Variants in IGFN1 observed in about 807,000 individuals in gnomAD.
The protein encoded by IGFN1 is immunoglobulin-like and fibronectin type III domain-containing protein 1.
In IGFN1, 253 loss-of-function variants were observed where a neutral mutation model predicts 289.5. That is an observed-to-expected ratio of 0.87 (90% CI 0.79 to 0.97). The LOEUF (loss-of-function observed/expected upper bound fraction) is 0.97, where lower values mean the gene tolerates loss of function less well. Among genes scored for constraint, IGFN1 ranks in the 50% least tolerant of loss-of-function variants. The probability of loss-of-function intolerance (pLI) is 0.00; values close to 1 mark genes in which losing one functional copy is unlikely to be tolerated. For missense variants in IGFN1, 4,470 were observed against 4,686.1 expected (o/e 0.95, Z 1.35); for synonymous variants, 1,706 against 1,788.5 (o/e 0.95, Z 1.16).
chr1:201,203,879 G>A lies in IGFN1; in HGVS notation c.889G>A (p.Val297Ile). ...IYQVKVEDAVVFSTELEASAI... is the reference protein window; with the variant it reads ...IYQVKVEDAVIFSTELEASAI... Reference sequence around the variant, plus strand: ...CCAGGTCAAGGTGGAGGATGCTGTGGTCTTCTCCACAGAACTGGAGGCCAG... The same window carrying A: ...CCAGGTCAAGGTGGAGGATGCTGTGATCTTCTCCACAGAACTGGAGGCCAG... The change falls in exon 10 of 24, where the codon GTC becomes ATC. Residue 297 changes from valine (V) to isoleucine (I), a missense_variant. By Grantham distance (29) the Val-to-Ile change is conservative (BLOSUM62 3). Transcript: ENST00000335211. 6.4e-7 allele frequency: 1 copy of A among 1,551,656 alleles called. No individual in the cohort carries two copies. Among genetic ancestry groups the A allele is most frequent in the Non-Finnish European group, 8.7e-7 (1 of 1,146,968 alleles).
intron 22 of IGFN1, among the ~76,000 whole-genome samples, chr1:201,226,625 T>C (rs187334152): frequency 1.3e-5 from 2 of 152,350 alleles, no homozygotes; most frequent in Admixed American, 1.3e-4. Context: ...TGGTTTTTAT[T>C]CTTTCTCCTT....
chr1:201,201,017 G>C (rs1052752992), intron 8 of IGFN1, among the ~76,000 whole-genome samples: 8 of 152,008 alleles, frequency 5.3e-5, no homozygotes, highest in Non-Finnish European at 1.0e-4. Context: ...ATTTTTAGTA[G>C]AGACGGGGTT....
intron 20 of IGFN1, 35 bp from the exon 21 acceptor site, chr1:201,224,644 C>T (rs750790033): frequency 1.3e-6 from 2 of 1,589,976 alleles, no homozygotes; most frequent in East Asian, 2.2e-5. Flanking sequence ...CTGCCAGCTT[C>T]CCCTTCTCAA....
intron 18 of IGFN1, among the ~76,000 whole-genome samples, chr1:201,221,131 C>A (rs1653693661): frequency 6.6e-6 from 1 of 152,096 alleles, no homozygotes; most frequent in Admixed American, 6.5e-5. Flanking sequence ...AGGTCATCAA[C>A]TAAAATATCA....
intron 6 of IGFN1, 73 bp from the exon 7 acceptor site, chr1:201,199,536 A>G: frequency 6.8e-7 from 1 of 1,477,410 alleles, no homozygotes; most frequent in Non-Finnish European, 9.2e-7. Context: ...AGCATGGACA[A>G]CACAGAAAAG....
At chr1:201,199,461 T>C (rs1534056) in intron 6 of IGFN1, 83 bp downstream of exon 6, 206,446 of 1,438,706 alleles carry the variant, frequency 0.14, 16,923 homozygotes, top group East Asian at 0.26. Flanking sequence ...CTGGTTGAGC[T>C]ACCATGAACA....
rs750266807 is a variant in IGFN1 at position 201,215,598 on chromosome 1, G to C, written c.9055G>C (p.Ala3019Pro). ...EKLREPLVVK[A>P]GKPVIVKIPF... is the part of the protein sequence containing the mutation. The stretch of plus-strand genomic sequence containing the variant: ...ACTGAGAGAGCCACTGGTGGTCAAG[G>C]CTGGGAAGCCGGTGATAGTGAAGAT... The change falls in exon 15 of 24, where the codon GCT becomes CCT. Residue 3019 changes from alanine (A) to proline (P), a missense_variant. By Grantham distance (27) the Ala-to-Pro change is conservative. Transcript: ENST00000335211. 4 of 1,612,332 alleles carry C rather than the reference G, an allele frequency of 2.5e-6. No homozygotes were observed. Among genetic ancestry groups the C allele is most frequent in the Admixed American group, 1.7e-5 (1 of 59,782 alleles).
In IGFN1 at chr1:201,209,886, G is replaced by A. The variant is rs1404643104; in HGVS notation, c.4993G>A (p.Glu1665Lys). 2 of 1,478,566 alleles carry A rather than the reference G, an allele frequency of 1.4e-6. No individual in the cohort carries two copies. Among genetic ancestry groups the A allele is most frequent in the Non-Finnish European group, 1.8e-6 (2 of 1,104,658 alleles). 91.6% of individuals were successfully genotyped at this position (1,478,566 alleles called of 1,614,324 possible). The change falls in exon 12 of 24, where the codon GAA becomes AAA. Residue 1665 changes from glutamate (E) to lysine (K), a missense_variant. By Grantham distance (56) the Glu-to-Lys change is moderately conservative. Transcript: ENST00000335211. ...GFRDGLGSSG[E>K]MGSMDEAGYR... Reference sequence around the variant, plus strand: ...TAGGGATGGTTTAGGGAGTTCTGGGGAAATGGGGTCAATGGATGAGGCAGG... The same window carrying A: ...TAGGGATGGTTTAGGGAGTTCTGGGAAAATGGGGTCAATGGATGAGGCAGG...
intron 13 of IGFN1, among the ~76,000 whole-genome samples, chr1:201,214,642 A>C (rs1204656934): frequency 6.6e-6 from 1 of 152,102 alleles, no homozygotes; most frequent in East Asian, 1.9e-4. Flanking sequence ...GTCTCCCTGC[A>C]CAATCCTCTG....
chr1:201,216,603 C>T lies in IGFN1; in HGVS notation c.9445C>T (p.Leu3149=), dbSNP rs763337171. ...ACGGCAGGCTGGCAGGAGCACTTGG[C>T]TGAAGGTGGGCGAGGCCCCCGCTGA... ...ERRQAGRSTW[L]KVGEAPADST... Residue 3149 remains leucine (L), a synonymous_variant, in exon 16 of 24, where the codon CTG becomes TTG. Coordinates refer to ENST00000335211, the MANE Select transcript of IGFN1 (RefSeq NM_001164586.2). 6 of 1,613,836 alleles carry T rather than the reference C, an allele frequency of 3.7e-6. No homozygotes were observed. Among genetic ancestry groups the T allele is most frequent in the Non-Finnish European group, 4.2e-6 (5 of 1,179,882 alleles).
At chr1:201,225,153 C>T (rs553830803) in intron 21 of IGFN1, among the ~76,000 whole-genome samples, 2 of 152,346 alleles carry the variant, frequency 1.3e-5, no homozygotes, top group Non-Finnish European at 2.9e-5. Flanking sequence ...AGTCAGTGAG[C>T]AGAGGCGGTT....
chr1:201,207,803 G>A lies in IGFN1; in HGVS notation c.2910G>A (p.Gly970=), dbSNP rs1225421321. Residue 970 remains glycine (G), a synonymous_variant, in exon 12 of 24, where the codon GGG becomes GGA. Transcript: ENST00000335211. ...GYSREISSKS[G]AGYSYGSGVP... The stretch of plus-strand genomic sequence containing the variant: ...CTAGGGAAATAAGCTCTAAAAGCGG[G>A]GCTGGTTATAGCTATGGCTCAGGGG... 2 of 1,536,126 alleles carry A rather than the reference G, an allele frequency of 1.3e-6. No homozygotes were observed. Among genetic ancestry groups the A allele is most frequent in the East Asian group, 4.9e-5 (2 of 40,888 alleles).
rs1386038980 is a variant in IGFN1, at chr1:201,200,228, G to C, written c.459-9G>C. 6 of 1,549,874 alleles carry C rather than the reference G, an allele frequency of 3.9e-6. No homozygotes were observed. The highest frequency in any genetic ancestry group is 4.4e-6 in the Non-Finnish European group (5 of 1,145,966). ...CTCTGGCCTCTGACCTGCTAGCCTT[G>C]CTCCCCAGGGCCCCACCAGCCCCCA... On this transcript the variant is annotated splice_polypyrimidine_tract_variant and intron_variant, in intron 7 of 23. Transcript: ENST00000335211.
intron 3 of IGFN1, among the ~76,000 whole-genome samples, chr1:201,194,476 A>T (rs936127314): frequency 6.6e-6 from 1 of 152,208 alleles, no homozygotes; most frequent in Non-Finnish European, 1.5e-5. Context: ...AAAAGAGTGG[A>T]TAAAGAGAGT....
chr1:201,195,874 G>A lies in IGFN1; in HGVS notation c.163G>A (p.Glu55Lys), dbSNP rs2102317702. 2 of 1,551,718 alleles carry A rather than the reference G, an allele frequency of 1.3e-6. No homozygotes were observed. Among genetic ancestry groups the A allele is most frequent in the Non-Finnish European group, 1.7e-6 (2 of 1,146,992 alleles). Reference protein sequence around the residue: ...NAVFRAVVCGEPRPEVRWQNS... With the variant: ...NAVFRAVVCGKPRPEVRWQNS... Reference sequence around the variant, plus strand: ...TGTCTTTCGGGCTGTGGTCTGTGGGGAGCCCAGGCCCGAGGTGCGTTGGCA... The same window carrying A: ...TGTCTTTCGGGCTGTGGTCTGTGGGAAGCCCAGGCCCGAGGTGCGTTGGCA... The change falls in exon 4 of 24, where the codon GAG becomes AAG. Residue 55 changes from glutamate to lysine, a missense_variant. Coordinates refer to ENST00000335211, the MANE Select transcript of IGFN1 (RefSeq NM_001164586.2).
At position 201,206,280 on chromosome 1, in the gene IGFN1, G is replaced by A. The variant is rs1394525898; in HGVS notation, c.1387G>A (p.Asp463Asn). The A allele has an allele frequency of 2.2e-5, 34 of 1,549,336 alleles. No homozygotes were observed. The highest frequency in any genetic ancestry group is 3.0e-5 in the Non-Finnish European group (34 of 1,146,326). The change falls in exon 12 of 24, where the codon GAT becomes AAT. Residue 463 changes from aspartate (D) to asparagine (N), a missense_variant. Physicochemically the swap from Asp to Asn is conservative, Grantham distance 23 (BLOSUM62 1). Around this residue, in one of 8 missense-constraint regions of IGFN1, gnomAD observed 2,011 missense variants for 1,953.4 expected, o/e 1.03. Transcript: ENST00000335211. ...GLQHIASPDR[D>N]GLGRHGYSLM... ...CCAGCACATAGCCAGCCCAGACAGG[G>A]ATGGCCTTGGCAGACATGGCTACTC...
Position 201,210,190 on chromosome 1 carries a change from A to C in IGFN1, c.5297A>C (p.Asp1766Ala). Residue 1766 changes from aspartate to alanine, a missense_variant, in exon 12 of 24, where the codon GAT becomes GCT. Physicochemically the swap from Asp to Ala is moderately radical, Grantham distance 126. Around this residue, in one of 8 missense-constraint regions of IGFN1, gnomAD observed 33 missense variants for 259.7 expected, o/e 0.13. Transcript: ENST00000335211. ...TCAGGGAGCAAGGCAGATTTTAGGG[A>C]TGCTTTAGGGAGTTCTGGGGAAATG... Reference protein sequence around the residue: ...IGSGSKADFRDALGSSGEMGS... With the variant: ...IGSGSKADFRAALGSSGEMGS... 1 of 1,230,512 alleles carries C rather than the reference A, an allele frequency of 8.1e-7. No individual in the cohort carries two copies. The highest frequency in any genetic ancestry group is 1.0e-6 in the Non-Finnish European group (1 of 952,642). 76.2% of individuals were successfully genotyped at this position (1,230,512 alleles called of 1,614,324 possible). A position where few individuals can be genotyped will look rare whatever the true frequency, so the allele number is the denominator to read the frequency against.
Position 201,211,498 on chromosome 1 carries a change from G to T in IGFN1, c.6605G>T (p.Gly2202Val). Residue 2202 changes from glycine to valine, a missense_variant, in exon 12 of 24, where the codon GGT becomes GTT. By Grantham distance (109) the Gly-to-Val change is moderately radical. This residue lies in a region of IGFN1 where 2,218 missense variants were observed against 2,114.1 expected (regional missense o/e 1.05). Transcript: ENST00000335211. The stretch of plus-strand genomic sequence containing the variant: ...GCAGGTTTCAGGGATGGTTTAGGGG[G>T]TTCTGAAGAAATGGGGTCAGTGAAT... Reference protein sequence around the residue: ...SKAGFRDGLGGSEEMGSVNKA... With the variant: ...SKAGFRDGLGVSEEMGSVNKA... 6.7e-7 allele frequency: 1 copy of T among 1,502,862 alleles called. No homozygotes were observed. The highest frequency in any genetic ancestry group is 8.9e-7 in the Non-Finnish European group (1 of 1,127,292). 93.1% of individuals were successfully genotyped at this position (1,502,862 alleles called of 1,614,324 possible).
chr1:201,203,618 A>G lies in IGFN1; in HGVS notation c.748-120A>G, dbSNP rs1256668725. 4.7e-5 allele frequency: 40 copies of G among 856,994 alleles called. 1 individual carries two copies. The East Asian group carries it at 8.6e-4, about 18-fold the overall frequency. 53.1% of individuals were successfully genotyped at this position (856,994 alleles called of 1,614,324 possible). ...TCCCAGCTCCTCTATGGTTCCAGGA[A>G]TCTGTTGTCTGGCGACTGGGCCCGT... On this transcript the variant is annotated intron_variant, in intron 9 of 23. Transcript: ENST00000335211.
Sources: allele counts gnomAD v4.1 joint callset (sites outside exome capture counted in the v4.1 genomes callset), GRCh38; gene constraint gnomAD v4.1.1; regional missense constraint gnomAD v4.1.1; transcripts MANE v1.5; gene names NCBI Gene and HGNC (gene_info 2026-07-23, HGNC 2026-07-21).